ERC1: variants seen among roughly 807,000 people sequenced by gnomAD.
The protein encoded by ERC1 is ELKS/RAB6-interacting/CAST family member 1.
Under a neutral mutation model 132.0 loss-of-function variants are expected in ERC1, and 56 were observed. The observed-to-expected ratio is 0.42, with a 90% CI of 0.34 to 0.53. The LOEUF is 0.53. ERC1 is among the 20% of genes least tolerant of loss of function. The pLI, the probability that ERC1 is intolerant of heterozygous loss-of-function variation, is 0.03. For synonymous variants in ERC1, 478 were observed against 476.1 expected, an observed-to-expected ratio of 1.00 and a Z score of -0.05; for missense variants, 1,202 against 1,349.9, an observed-to-expected ratio of 0.89 and a Z score of 1.72.
At chr12:1,157,146 A>T (rs563385904) in intron 8 of ERC1, among the ~76,000 whole-genome samples, 1 of 152,170 alleles carries the variant, frequency 6.6e-6, no homozygotes, top group Non-Finnish European at 1.5e-5. Context: ...TCTGTCACCC[A>T]GGCTGGAGTG....
At chr12:1,194,167 C>G (rs908870854) in intron 12 of ERC1, among the ~76,000 whole-genome samples, 1 of 152,162 alleles carries the variant, frequency 6.6e-6, no homozygotes, top group African/African-American at 2.4e-5. Flanking sequence ...CGCCTGTAAT[C>G]CCAGCACTTT....
chr12:1,213,503 G>C, intron 12 of ERC1, among the ~76,000 whole-genome samples: 1 of 152,030 alleles, frequency 6.6e-6, no homozygotes, highest in Non-Finnish European at 1.5e-5. Context: ...TTGGGAGGTC[G>C]AGGTGGGCGG....
intron 15 of ERC1, among the ~76,000 whole-genome samples, chr12:1,296,444 G>A (rs565963555): frequency 8.9e-5 from 10 of 112,830 alleles, no homozygotes; most frequent in Non-Finnish European, 1.7e-4. Flanking sequence ...ATGGAGTGTC[G>A]CTCTTGTCCC....
intron 15 of ERC1, among the ~76,000 whole-genome samples, chr12:1,336,460 A>G (rs1156759084): frequency 2.0e-5 from 3 of 152,224 alleles, no homozygotes; most frequent in African/African-American, 7.2e-5. Context: ...CTTTGTTCTC[A>G]TTAGTTTCAA....
intron 15 of ERC1, among the ~76,000 whole-genome samples, chr12:1,340,537 C>T (rs775389504): frequency 2.6e-5 from 4 of 152,146 alleles, no homozygotes; most frequent in Admixed American, 1.3e-4. Context: ...GATTACTCTT[C>T]GTGAGTACAA....
intron 16 of ERC1, among the ~76,000 whole-genome samples, chr12:1,399,970 T>A (rs1452726494): frequency 6.6e-6 from 1 of 152,148 alleles, no homozygotes; most frequent in African/African-American, 2.4e-5. Context: ...ACCAAAATGT[T>A]TTGCAAAGAG....
At chr12:1,413,254 A>T (rs1254786557) in intron 17 of ERC1, among the ~76,000 whole-genome samples, 1 of 152,120 alleles carries the variant, frequency 6.6e-6, no homozygotes, top group Non-Finnish European at 1.5e-5. Flanking sequence ...GCCTCCACTC[A>T]TAAAAAAAAA....
chr12:1,333,786 G>A (rs567936883), intron 15 of ERC1, among the ~76,000 whole-genome samples: 5 of 152,246 alleles, frequency 3.3e-5, no homozygotes, highest in Admixed American at 2.0e-4. Flanking sequence ...GGATTGCTGG[G>A]TCAAATGGTA....
At chr12:1,287,970 A>G (rs1327478054) in intron 14 of ERC1, among the ~76,000 whole-genome samples, 1 of 152,222 alleles carries the variant, frequency 6.6e-6, no homozygotes, top group Non-Finnish European at 1.5e-5. Flanking sequence ...GAAATTGACA[A>G]GCTGATTCTC....
chr12:1,104,821 G>A lies in ERC1; in HGVS notation c.1158G>A (p.Met386Ile). 1 of 1,605,984 alleles carries A rather than the reference G, an allele frequency of 6.2e-7. No homozygotes were observed. The highest frequency in any genetic ancestry group is 8.5e-7 in the Non-Finnish European group (1 of 1,172,624). Residue 386 changes from methionine (M) to isoleucine (I), a missense_variant, in exon 4 of 19, where the codon ATG (methionine) becomes ATA (isoleucine). Transcript: ENST00000360905. ...AAGCTCTGCAAACTGTTATTGAGATGAAGGTAAGTGAGAATCTAGTAAAGA... is the reference window on the plus strand; with the variant it reads ...AAGCTCTGCAAACTGTTATTGAGATAAAGGTAAGTGAGAATCTAGTAAAGA... ...KTKALQTVIE[M>I]KDSKISSMER...
At chr12:1,475,934 C>A (rs2093961515) in intron 18 of ERC1, among the ~76,000 whole-genome samples, 2 of 148,998 alleles carry the variant, frequency 1.3e-5, no homozygotes. Flanking sequence ...AGTTGAAGAG[C>A]AGCCTGGGCA....
intron 12 of ERC1, among the ~76,000 whole-genome samples, chr12:1,209,354 TAAAC>T (rs893183818): frequency 9.2e-5 from 14 of 152,122 alleles, no homozygotes; most frequent in Non-Finnish European, 1.9e-4. Flanking sequence ...TTCACATAGT[TAAAC>T]AAACTTATGG....
chr12:1,212,001 A>G (rs552776057), intron 12 of ERC1, among the ~76,000 whole-genome samples: 79 of 151,152 alleles, frequency 5.2e-4, no homozygotes, highest in Non-Finnish European at 9.3e-4. Context: ...ATGCAACAGT[A>G]GAGTAAGTTG....
At chr12:1,187,858 C>A (rs538927128) in intron 11 of ERC1, among the ~76,000 whole-genome samples, 2 of 152,098 alleles carry the variant, frequency 1.3e-5, no homozygotes, top group Non-Finnish European at 2.9e-5. Context: ...AGAAGATAGA[C>A]ACTTAAAAAG....
At chr12:1,350,537 G>T (rs1233484347) in intron 15 of ERC1, among the ~76,000 whole-genome samples, 1 of 152,132 alleles carries the variant, frequency 6.6e-6, no homozygotes, top group Non-Finnish European at 1.5e-5. Context: ...GCCACACATG[G>T]TCTATGGGAT....
rs1566521213 is a variant in ERC1, at chr12:1,298,552, AAAAACAAAC to A, written c.2780+8544_2780+8552del. 1.4e-5 allele frequency among the ~76,000 whole-genome samples: 2 copies of A among 147,704 alleles called. 1 individual carries two copies. The highest frequency in any genetic ancestry group is 3.0e-5 in the Non-Finnish European group (2 of 65,950). Reference sequence around the variant, plus strand: ...AACGAGACTCTGTCACAAAAAAAAAAAAAACAAACAAACAAAGAAAAAGCACCTGAAGAG... The same window carrying A: ...AACGAGACTCTGTCACAAAAAAAAAAAAACAAAGAAAAAGCACCTGAAGAG... On this transcript the variant is annotated intron_variant, in intron 15 of 18. Transcript: ENST00000360905.
intron 14 of ERC1, among the ~76,000 whole-genome samples, chr12:1,282,850 G>A (rs973584841): frequency 3.3e-5 from 5 of 152,180 alleles, no homozygotes; most frequent in Non-Finnish European, 7.3e-5. Flanking sequence ...CATGGTGACT[G>A]CTGAACCTCT....
rs531306436 is a variant in ERC1 at position 1,200,127 on chromosome 12, A to G, written c.2351+10075A>G. Among the ~76,000 whole-genome samples the G allele has an allele frequency of 3.3e-4, 50 of 152,260 alleles. 1 individual carries two copies. The highest frequency in any genetic ancestry group is 1.2e-3 in the African/African-American group (50 of 41,570). ...TAAATTTTCTTTTAAAGATTTCACAACTAGTTTCTAAAATTTTTATACAAT... is the reference window on the plus strand; with the variant it reads ...TAAATTTTCTTTTAAAGATTTCACAGCTAGTTTCTAAAATTTTTATACAAT... On this transcript the variant is annotated intron_variant, in intron 12 of 18. Transcript: ENST00000360905.
chr12:1,116,000 T>G lies in ERC1; in HGVS notation c.1536T>G (p.Ala512=), dbSNP rs747998878. The stretch of plus-strand genomic sequence containing the variant: ...AAGTGTTGAAGGAGTCCTTGACTGC[T>G]AAGGAGCAGAGGGCTGCCATCCTGC... ...HIEVLKESLT[A]KEQRAAILQT... is the part of the protein sequence containing the mutation. The change falls in exon 7 of 19, where the codon GCT becomes GCG. Residue 512 remains alanine, a synonymous_variant. Transcript: ENST00000360905. 34 of 1,613,964 alleles carry G rather than the reference T, an allele frequency of 2.1e-5. No homozygotes were observed. The highest frequency in any genetic ancestry group is 1.6e-4 in the East Asian group (7 of 44,880).
Sources: gnomAD v4.1 joint callset for allele counts (sites outside exome capture counted in the v4.1 genomes callset) on GRCh38, gnomAD v4.1.1 for gene constraint, MANE v1.5 for transcripts, NCBI Gene and HGNC (gene_info 2026-07-23, HGNC 2026-07-21) for gene names.